The following MTG1 variants were observed in gnomAD, a reference collection of about 807,000 sequenced individuals.
The protein encoded by MTG1 is mitochondrial ribosome associated GTPase 1, also known as mitochondrial ribosome-associated GTPase 1.
In MTG1, 30 loss-of-function variants were observed where a neutral mutation model predicts 39.5. That is an observed-to-expected ratio of 0.76 (90% CI 0.57 to 1.03). MTG1 has a LOEUF of 1.03. MTG1 is among the 50% of genes least tolerant of loss of function. MTG1 has a pLI of 0.00. For missense variants in MTG1, 513 were observed against 447.4 expected, an observed-to-expected ratio of 1.15 and a Z score of -1.32; for synonymous variants, 217 against 179.0, an observed-to-expected ratio of 1.21 and a Z score of -1.69.
chr10:133,402,549 T>C lies in MTG1; in HGVS notation c.671-143T>C, dbSNP rs1205019506. ...CCGGGACCACAGCCGAGTGCCGTCC[T>C]CTTGGTTAGTGTCTTTGTCAGTGGC... On this transcript the variant is annotated intron_variant, in intron 8 of 10. Transcript: ENST00000317502. This position sits in a 1 kb window ranked among gnomAD's most constrained non-coding sequence, Gnocchi z 4.7. The C allele has an allele frequency of 6.3e-6, 5 of 799,734 alleles. No individual in the cohort carries two copies. In the East Asian group the frequency reaches 1.3e-4, roughly 21 times the overall value. 49.5% of individuals were successfully genotyped at this position (799,734 alleles called of 1,614,324 possible).
chr10:133,400,156 C>A (rs780898018), intron 6 of MTG1, among the ~76,000 whole-genome samples: 1 of 151,668 alleles, frequency 6.6e-6, no homozygotes, highest in Non-Finnish European at 1.5e-5. Context: ...TGTGCCACTG[C>A]GTTCCAGCCT....
intron 9 of MTG1, among the ~76,000 whole-genome samples, chr10:133,410,032 A>G (rs1850022700): frequency 6.6e-6 from 1 of 150,986 alleles, no homozygotes; most frequent in Non-Finnish European, 1.5e-5. Context: ...TTTTTTATCC[A>G]TTTAGCCACT....
At chr10:133,396,808 AGT>A (rs1209994394) in intron 3 of MTG1, among the ~76,000 whole-genome samples, 1 of 152,216 alleles carries the variant, frequency 6.6e-6, no homozygotes, top group African/African-American at 2.4e-5. Flanking sequence ...AGACGTGACA[AGT>A]GTGTGAGCCT....
rs1490337275 is a variant in MTG1, at chr10:133,402,803, G to C, written c.752+30G>C. On this transcript the variant is annotated intron_variant, in intron 9 of 10. Coordinates refer to ENST00000317502, the MANE Select transcript of MTG1 (RefSeq NM_138384.4). The surrounding 1 kb of genome is among the most constrained non-coding windows in gnomAD (Gnocchi z 4.7). ...GTGCAGTGAATGCAGGGCAGCTGGG[G>C]CCCCTCCTCCTAGTCACCTCATTTA... is the stretch of plus-strand genomic sequence containing the variant. 6.5e-7 allele frequency: 1 copy of C among 1,530,486 alleles called. No individual in the cohort carries two copies. Among genetic ancestry groups the C allele is most frequent in the Non-Finnish European group, 8.9e-7 (1 of 1,129,394 alleles). The allele number at this position is 1,530,486 out of a possible 1,614,324, so 94.8% of individuals were successfully genotyped here.
chr10:133,399,656 A>C (rs1441320032), intron 6 of MTG1, 37 bp downstream of exon 6: 1 of 1,603,548 alleles, frequency 6.2e-7, no homozygotes, highest in East Asian at 2.2e-5. Context: ...CAGGAAAGGT[A>C]CTGGCGCGTG....
chr10:133,418,909 G>GT (rs1418555906), intron 9 of MTG1, among the ~76,000 whole-genome samples: 2 of 152,180 alleles, frequency 1.3e-5, no homozygotes, highest in Non-Finnish European at 2.9e-5. Flanking sequence ...CAGAGTGCCC[G>GT]TTACAATCAC....
In MTG1 at chr10:133,396,208, C is replaced by CT; in HGVS notation, c.225dup (p.Lys76Ter). On this transcript the variant is annotated frameshift_variant, in exon 3 of 11. Coordinates refer to ENST00000317502, the MANE Select transcript of MTG1 (RefSeq NM_138384.4). LOFTEE classifies it high-confidence loss of function. Reference sequence around the variant, plus strand: ...CCCTCTGTTTCAGGAAACCCTTGGGCTTAAGCCTCACTTGCTGGTCCTCAA... The same window carrying CT: ...CCCTCTGTTTCAGGAAACCCTTGGGCTTTAAGCCTCACTTGCTGGTCCTCAA... 1 of 1,614,212 alleles carries CT rather than the reference C, an allele frequency of 6.2e-7. No individual in the cohort carries two copies. Among genetic ancestry groups the CT allele is most frequent in the Non-Finnish European group, 8.5e-7 (1 of 1,180,028 alleles).
Position 133,408,525 on chromosome 10 carries a change from C to G in MTG1, c.752+5752C>G, listed in dbSNP as rs117870338. On this transcript the variant is annotated intron_variant, in intron 9 of 10. Transcript: ENST00000317502. ...ATTGGCCTGTCGTTTTCTTTTTCTG[C>G]CGTATCCTTGTCTGGTTTTTGTAGG... Among the ~76,000 whole-genome samples, 1,142 of 152,222 alleles carry G rather than the reference C, an allele frequency of 7.5e-3. 8 individuals carry two copies. The highest frequency in any genetic ancestry group is 0.048 in the Middle Eastern group (14 of 294).
In MTG1 at chr10:133,422,059, C is replaced by T. The variant is rs780912755; in HGVS notation, c.*1894C>T. On this transcript the variant is annotated 3_prime_UTR_variant, in exon 11 of 11. Transcript: ENST00000317502. ...GGGCTGGTCTTAACACAGGTGTGTCCAGTGCTGGAGGCAAGTCCTTGTCGT... is the reference window on the plus strand; with the variant it reads ...GGGCTGGTCTTAACACAGGTGTGTCTAGTGCTGGAGGCAAGTCCTTGTCGT... 2.7e-4 allele frequency: 41 copies of T among 153,144 alleles called. No homozygotes were observed. The highest frequency in any genetic ancestry group is 4.5e-4 in the Non-Finnish European group (31 of 68,478). The allele number at this position is 153,144 out of a possible 1,614,324, so 9.5% of individuals were successfully genotyped here.
Position 133,401,727 on chromosome 10 carries a change from G to A in MTG1, c.573+137G>A, listed in dbSNP as rs773444482. ...CTCAGTGTCCCCGCTGAGCACCCCC[G>A]GGGCAGGCACTGCCCCTGCCCTTAT... On this transcript the variant is annotated intron_variant, in intron 7 of 10. Coordinates refer to ENST00000317502, the MANE Select transcript of MTG1 (RefSeq NM_138384.4). The A allele has an allele frequency of 2.4e-5, 20 of 838,128 alleles. No individual in the cohort carries two copies. In the Admixed American group the frequency reaches 2.6e-4, roughly 11 times the overall value. The allele number at this position is 838,128 out of a possible 1,614,324, so 51.9% of individuals were successfully genotyped here. A position where few individuals can be genotyped will look rare whatever the true frequency, so the allele number is the denominator to read the frequency against.
At chr10:133,414,575 G>A (rs10745300) in intron 9 of MTG1, among the ~76,000 whole-genome samples, 5 of 150,540 alleles carry the variant, frequency 3.3e-5, no homozygotes, top group African/African-American at 7.3e-5. Flanking sequence ...GATGGGCGGC[G>A]GGGCAGAGAC....
intron 9 of MTG1, among the ~76,000 whole-genome samples, chr10:133,408,670 A>G (rs1042413065): frequency 6.6e-6 from 1 of 152,212 alleles, no homozygotes; most frequent in Admixed American, 6.5e-5. Context: ...TGAAGCCATC[A>G]GGACCTGGGA....
At chr10:133,408,526 C>T (rs1407746983) in intron 9 of MTG1, among the ~76,000 whole-genome samples, 8 of 152,086 alleles carry the variant, frequency 5.3e-5, no homozygotes, top group African/African-American at 9.7e-5. Flanking sequence ...CTTTTTCTGC[C>T]GTATCCTTGT....
At chr10:133,394,590 T>G (rs1359320531) in intron 1 of MTG1, 1 of 1,310,728 alleles carries the variant, frequency 7.6e-7, no homozygotes, top group Non-Finnish European at 9.7e-7. Context: ...CTGCTTGACC[T>G]CCTACCTCTG....
At chr10:133,394,830 G>A (rs1333178827) in intron 1 of MTG1, 1 of 799,658 alleles carries the variant, frequency 1.3e-6, no homozygotes, top group African/African-American at 1.9e-5. Context: ...GCCCCAAGAA[G>A]ACCTCTGGGG....
intron 9 of MTG1, among the ~76,000 whole-genome samples, chr10:133,417,462 T>G (rs1390492185): frequency 5.4e-5 from 8 of 148,932 alleles, no homozygotes; most frequent in South Asian, 2.2e-4. Context: ...CTTTGAAAAC[T>G]GGCACAAGAC....
In MTG1 at chr10:133,394,218, G is replaced by T. The variant is rs1238149101; in HGVS notation, c.-3G>T. 1 of 1,514,228 alleles carries T rather than the reference G, an allele frequency of 6.6e-7. No homozygotes were observed. The highest frequency in any genetic ancestry group is 8.8e-7 in the Non-Finnish European group (1 of 1,135,686). The allele number at this position is 1,514,228 out of a possible 1,614,324, so 93.8% of individuals were successfully genotyped here. ...CGGGAGCGTTTCCGGGGACGGTGCC[G>T]CCATGAGATTGACCCCGCGCGCGCT... On this transcript the variant is annotated 5_prime_UTR_variant, in exon 1 of 11. Coordinates refer to ENST00000317502, the MANE Select transcript of MTG1 (RefSeq NM_138384.4).
At chr10:133,405,591 A>G (rs924692272) in intron 9 of MTG1, among the ~76,000 whole-genome samples, 3 of 152,090 alleles carry the variant, frequency 2.0e-5, no homozygotes, top group Admixed American at 6.5e-5. Flanking sequence ...AACATGCATT[A>G]TTTGTCTTTC....
At chr10:133,417,956 A>C (rs1299939167) in intron 9 of MTG1, among the ~76,000 whole-genome samples, 2 of 152,204 alleles carry the variant, frequency 1.3e-5, no homozygotes, top group Non-Finnish European at 2.9e-5. Flanking sequence ...TGCCCAAGGT[A>C]ATTTATAGAT....
Sources: gnomAD v4.1 joint callset for allele counts (sites outside exome capture counted in the v4.1 genomes callset) on GRCh38, gnomAD v4.1.1 for gene constraint, Gnocchi (gnomAD v3.1) non-coding constraint, MANE v1.5 for transcripts, NCBI Gene and HGNC (gene_info 2026-07-23, HGNC 2026-07-21) for gene names.